SQOR: variants seen among roughly 807,000 people sequenced by gnomAD.
SQOR encodes sulfide quinone oxidoreductase, also known as sulfide:quinone oxidoreductase, mitochondrial.
SQOR carries 39 observed loss-of-function variants against 48.6 expected under a neutral mutation model. The ratio of observed to expected loss-of-function variants is 0.80; its 90% CI spans 0.62 to 1.05. The LOEUF is 1.05. Among genes scored for constraint, SQOR ranks in the 50% least tolerant of loss-of-function variants. The pLI is 0.00. For synonymous variants in SQOR, 220 were observed against 206.2 expected (o/e 1.07, Z -0.57); for missense variants, 561 against 559.9 (o/e 1.00, Z -0.02).
At chr15:45,675,971 T>A in intron 5 of SQOR, 130 bp from the exon 6 acceptor site, 3 of 841,396 alleles carry the variant, frequency 3.6e-6, no homozygotes, top group Non-Finnish European at 5.6e-6. Context: ...TACCCATTGC[T>A]CTGCCAGGAC....
At chr15:45,676,381 C>G in intron 6 of SQOR, 71 bp downstream of exon 6, 2 of 1,402,888 alleles carry the variant, frequency 1.4e-6, no homozygotes, top group Non-Finnish European at 2.0e-6. Flanking sequence ...CATGGGGGCT[C>G]ACACCACCCT....
At chr15:45,683,980 C>T (rs1463247572) in intron 7 of SQOR, among the ~76,000 whole-genome samples, 1 of 151,932 alleles carries the variant, frequency 6.6e-6, no homozygotes, top group Non-Finnish European at 1.5e-5. Context: ...GGCGCACTCT[C>T]AGCTCACTGC....
chr15:45,676,990 G>A (rs527587810), intron 6 of SQOR, among the ~76,000 whole-genome samples: 4 of 150,106 alleles, frequency 2.7e-5, no homozygotes, highest in East Asian at 3.9e-4. Flanking sequence ...GCAGTGAGCC[G>A]AGATTGTACC....
At chr15:45,650,239 A>G (rs376580494) in intron 1 of SQOR, among the ~76,000 whole-genome samples, 7 of 152,200 alleles carry the variant, frequency 4.6e-5, no homozygotes, top group Non-Finnish European at 1.0e-4. Flanking sequence ...TCCTGGGCTG[A>G]AACCGTCCTC....
intron 1 of SQOR, among the ~76,000 whole-genome samples, chr15:45,652,149 C>T (rs1889504306): frequency 6.6e-6 from 1 of 152,206 alleles, no homozygotes; most frequent in Non-Finnish European, 1.5e-5. Flanking sequence ...GCTGGGATTA[C>T]AGGCGTGAGC....
rs577011966 is a variant in SQOR, at chr15:45,668,625, C to T, written c.406-1303C>T. ...GCCAGGGCAGGGCCTCTTGACTGCA[C>T]GTTACTTCCCTTGGCTCCTCAGCCA... On this transcript the variant is annotated intron_variant, in intron 3 of 9. Transcript: ENST00000260324. Among the ~76,000 whole-genome samples the T allele has an allele frequency of 1.4e-4, 22 of 152,296 alleles. No individual in the cohort carries two copies. In the East Asian group the frequency reaches 3.9e-3, roughly 27 times the overall value.
chr15:45,678,153 G>C (rs541396807), intron 6 of SQOR, among the ~76,000 whole-genome samples: 10 of 152,328 alleles, frequency 6.6e-5, no homozygotes, highest in Admixed American at 2.6e-4. Context: ...TTTTCCAGGG[G>C]ATAATTACAA....
intron 4 of SQOR, among the ~76,000 whole-genome samples, chr15:45,671,991 G>A (rs1237290473): frequency 6.6e-6 from 1 of 152,148 alleles, no homozygotes; most frequent in Non-Finnish European, 1.5e-5. Flanking sequence ...GACTAGATGA[G>A]GGGTCAAAAC....
rs1447945387 is a variant in SQOR at position 45,682,609 on chromosome 15, T to A, written c.996T>A (p.Phe332Leu). ...AACACAGGAGGTACCCAAATGTGTT[T>A]GGGATTGGGGACTGCACCAACCTTC... ...TLQHRRYPNV[F>L]GIGDCTNLPT... The change falls in exon 7 of 10, where the codon TTT (phenylalanine) becomes TTA (leucine). Residue 332 changes from phenylalanine to leucine, a missense_variant. Coordinates refer to ENST00000260324, the MANE Select transcript of SQOR (RefSeq NM_021199.4). 2.5e-6 allele frequency: 4 copies of A among 1,614,054 alleles called. No individual in the cohort carries two copies. The highest frequency in any genetic ancestry group is 1.3e-5 in the African/African-American group (1 of 74,912).
intron 1 of SQOR, among the ~76,000 whole-genome samples, chr15:45,651,374 G>A (rs912391466): frequency 8.2e-4 from 125 of 152,154 alleles, no homozygotes; most frequent in African/African-American, 2.8e-3. Flanking sequence ...CCCGGTTCCC[G>A]CCCGCGCCTC....
At chr15:45,679,023 GT>G (rs1180087503) in intron 6 of SQOR, among the ~76,000 whole-genome samples, 1 of 152,242 alleles carries the variant, frequency 6.6e-6, no homozygotes, top group Non-Finnish European at 1.5e-5. Flanking sequence ...ATGAACTTGA[GT>G]GCATGAACTT....
chr15:45,652,643 T>C (rs1225477127), intron 1 of SQOR, among the ~76,000 whole-genome samples: 1 of 141,938 alleles, frequency 7.0e-6, no homozygotes, highest in Non-Finnish European at 1.5e-5. Flanking sequence ...GCCTCCTTTT[T>C]TTTTTTTTTT....
rs114303732 is a variant in SQOR, at chr15:45,682,733, C to T, written c.1048+72C>T. The T allele has an allele frequency of 3.9e-6, 6 of 1,547,602 alleles. No individual in the cohort carries two copies. In the African/African-American group the frequency reaches 6.8e-5, roughly 18 times the overall value. ...TCAAGGCATGATTGTAACAAAAACA[C>T]AAGCTTGGCATCGGCCAGAGACGGT... is the stretch of plus-strand genomic sequence containing the variant. On this transcript the variant is annotated intron_variant, in intron 7 of 9. Transcript: ENST00000260324.
At chr15:45,635,641 G>C (rs1008695191) in intron 1 of SQOR, among the ~76,000 whole-genome samples, 5 of 152,188 alleles carry the variant, frequency 3.3e-5, no homozygotes, top group African/African-American at 1.2e-4. Flanking sequence ...GGGGTCTTCT[G>C]GTGGAATCTG....
intron 1 of SQOR, among the ~76,000 whole-genome samples, chr15:45,644,366 A>G (rs971141722): frequency 1.3e-5 from 2 of 152,198 alleles, no homozygotes; most frequent in African/African-American, 4.8e-5. Flanking sequence ...GATTACAGGC[A>G]TGAGCCACCG....
chr15:45,687,775 G>A (rs1890249476), intron 7 of SQOR, among the ~76,000 whole-genome samples: 1 of 152,198 alleles, frequency 6.6e-6, no homozygotes, highest in Admixed American at 6.5e-5. Flanking sequence ...CTAGGAAAGA[G>A]ACAGAGAGAT....
intron 7 of SQOR, among the ~76,000 whole-genome samples, chr15:45,686,367 T>C (rs900185702): frequency 2.6e-5 from 4 of 151,972 alleles, no homozygotes; most frequent in Non-Finnish European, 5.9e-5. Context: ...GGCCAGGCTG[T>C]TCTTGAACTC....
At chr15:45,677,572 T>C (rs1420086634) in intron 6 of SQOR, among the ~76,000 whole-genome samples, 1 of 152,246 alleles carries the variant, frequency 6.6e-6, no homozygotes. Flanking sequence ...CTTTTCTTTG[T>C]CTTCTATGAC....
chr15:45,663,592 C>T (rs770407133), intron 3 of SQOR, among the ~76,000 whole-genome samples: 6 of 151,810 alleles, frequency 4.0e-5, no homozygotes, highest in Non-Finnish European at 5.9e-5. Flanking sequence ...ATAGTAAGAC[C>T]CTGTCTCTAC....
Sources: gnomAD v4.1 joint callset for allele counts (sites outside exome capture counted in the v4.1 genomes callset) on GRCh38, gnomAD v4.1.1 for gene constraint, MANE v1.5 for transcripts, NCBI Gene and HGNC (gene_info 2026-07-23, HGNC 2026-07-21) for gene names.